The following PCDHGA11 variants were observed in gnomAD, a reference collection of about 807,000 sequenced individuals.
PCDHGA11 encodes the protein protocadherin gamma subfamily A, 11, also known as protocadherin gamma-A11.
PCDHGA11 carries 39 observed loss-of-function variants against 60.4 expected under a neutral mutation model. The observed-to-expected ratio is 0.65, with a 90% CI of 0.50 to 0.84. The LOEUF (loss-of-function observed/expected upper bound fraction) is 0.84. PCDHGA11 is among the 40% of genes least tolerant of loss of function. The pLI is 0.00. For synonymous variants in PCDHGA11, 533 were observed against 510.3 expected, an observed-to-expected ratio of 1.04 and a Z score of -0.60; for missense variants, 1,165 against 1,197.7, an observed-to-expected ratio of 0.97 and a Z score of 0.40.
chr5:141,464,907 T>A lies in PCDHGA11; in HGVS notation c.2434-29900T>A, dbSNP rs187725683. On this transcript the variant is annotated intron_variant, in intron 1 of 3. Transcript: ENST00000398587. ...ATGGATGCCACCATGTCCAGCTAAT[T>A]TTTTTATTTTTTTGTAGAGATGTGA... 4.5e-3 allele frequency among the ~76,000 whole-genome samples: 687 copies of A among 152,148 alleles called. 4 individuals are homozygous for A. Among genetic ancestry groups the A allele is most frequent in the African/African-American group, 0.015 (630 of 41,510 alleles).
At chr5:141,509,071 G>T (rs1209992467) in intron 3 of PCDHGA11, among the ~76,000 whole-genome samples, 1 of 152,176 alleles carries the variant, frequency 6.6e-6, no homozygotes, top group Admixed American at 6.5e-5. Flanking sequence ...CAGCTCCGGG[G>T]ATTTGCGACA....
At position 141,476,716 on chromosome 5, in the gene PCDHGA11, C is replaced by G; in HGVS notation, c.2434-18091C>G. The G allele has an allele frequency of 6.2e-7, 1 of 1,614,148 alleles. No individual in the cohort carries two copies. On this transcript the variant is annotated intron_variant, in intron 1 of 3. Transcript: ENST00000398587. The surrounding 1 kb of genome is among the most constrained non-coding windows in gnomAD (Gnocchi z 7.6). The stretch of plus-strand genomic sequence containing the variant: ...AGTACGCGGAGCTGGTGTTGGAGCG[C>G]GCCCTGGACCGAGAACGGGAGCCTA...
chr5:141,433,093 G>A (rs1203083573), intron 1 of PCDHGA11: 4 of 1,614,206 alleles, frequency 2.5e-6, no homozygotes, highest in Admixed American at 1.7e-5. Flanking sequence ...ATGCAGACAT[G>A]CTCGTCAGCC....
intron 1 of PCDHGA11, chr5:141,479,269 A>G (rs1279389471): frequency 6.6e-6 from 1 of 152,374 alleles, no homozygotes; most frequent in African/African-American, 2.4e-5. Flanking sequence ...TAAAAGTAAT[A>G]ATTTATTTCA....
In PCDHGA11 at chr5:141,432,782, C is replaced by A. The variant is rs547164205; in HGVS notation, c.2433+9122C>A. 6.2e-7 allele frequency: 1 copy of A among 1,614,164 alleles called. No homozygotes were observed. Among genetic ancestry groups the A allele is most frequent in the African/African-American group, 1.3e-5 (1 of 75,052 alleles). ...CAGCATCCCCCAAGTCCTGGCGGAC[C>A]TCGGCAGCCTCGAGTCTCCAGCTAA... On this transcript the variant is annotated intron_variant, in intron 1 of 3. Coordinates refer to ENST00000398587, the MANE Select transcript of PCDHGA11 (RefSeq NM_018914.3). This position sits in a 1 kb window ranked among gnomAD's most constrained non-coding sequence, Gnocchi z 6.0.
chr5:141,480,955 G>A (rs2154578440), intron 1 of PCDHGA11, among the ~76,000 whole-genome samples: 1 of 152,304 alleles, frequency 6.6e-6, no homozygotes, highest in South Asian at 2.1e-4. Context: ...TGAGGCGGAA[G>A]CATCAGTGAG....
chr5:141,495,873 C>G (rs2099764359), intron 2 of PCDHGA11, among the ~76,000 whole-genome samples: 1 of 152,146 alleles, frequency 6.6e-6, no homozygotes, highest in Admixed American at 6.6e-5. Flanking sequence ...CTGCTTTCCT[C>G]TCTGTTCTTT....
intron 1 of PCDHGA11, among the ~76,000 whole-genome samples, chr5:141,459,838 A>C (rs944807247): frequency 1.3e-5 from 2 of 152,098 alleles, no homozygotes; most frequent in African/African-American, 4.8e-5. Context: ...TGTGTTGTCT[A>C]TTTGTATATC....
At position 141,447,890 on chromosome 5, in the gene PCDHGA11, A is replaced by AC. The variant is rs1252174829; in HGVS notation, c.2433+24230_2433+24231insC. On this transcript the variant is annotated intron_variant, in intron 1 of 3. Transcript: ENST00000398587. ...CATCTGAGGTCAGGAGTTCGAGACCAGCCTGGCCAACATGGTGAAACTCTG... is the reference window on the plus strand; with the variant it reads ...CATCTGAGGTCAGGAGTTCGAGACCACGCCTGGCCAACATGGTGAAACTCTG... 1.3e-5 allele frequency among the ~76,000 whole-genome samples: 2 copies of AC among 152,146 alleles called. 1 individual carries two copies. The highest frequency in any genetic ancestry group is 4.8e-5 in the African/African-American group (2 of 41,434).
chr5:141,431,965 T>C lies in PCDHGA11; in HGVS notation c.2433+8305T>C, dbSNP rs765281339. The C allele has an allele frequency of 4.0e-5, 64 of 1,614,098 alleles. No homozygotes were observed. In the East Asian group the frequency reaches 4.9e-4, roughly 12 times the overall value. On this transcript the variant is annotated intron_variant, in intron 1 of 3. Transcript: ENST00000398587. This position sits in a 1 kb window ranked among gnomAD's most constrained non-coding sequence, Gnocchi z 4.8. Reference sequence around the variant, plus strand: ...TAGAAAAATCTTACGGAAATTACTATAGTTTAGTCACAGACATAGTCTTGG... The same window carrying C: ...TAGAAAAATCTTACGGAAATTACTACAGTTTAGTCACAGACATAGTCTTGG...
At chr5:141,437,104 T>C (rs539232057) in intron 1 of PCDHGA11, among the ~76,000 whole-genome samples, 1 of 152,338 alleles carries the variant, frequency 6.6e-6, no homozygotes, top group African/African-American at 2.4e-5. Flanking sequence ...GGCTTAGCTT[T>C]AGGATTTTTA....
intron 1 of PCDHGA11, among the ~76,000 whole-genome samples, chr5:141,455,913 T>C (rs2098837234): frequency 7.2e-6 from 1 of 138,032 alleles, no homozygotes; most frequent in African/African-American, 2.7e-5. Context: ...ATTTATTTAT[T>C]TTGAGACGGA....
At chr5:141,465,293 G>A (rs1407146382) in intron 1 of PCDHGA11, among the ~76,000 whole-genome samples, 2 of 152,258 alleles carry the variant, frequency 1.3e-5, no homozygotes, top group South Asian at 2.1e-4. Flanking sequence ...AAAGAACTGA[G>A]AGTCCTGGGA....
At position 141,486,481 on chromosome 5, in the gene PCDHGA11, T is replaced by C. The variant is rs1562112794; in HGVS notation, c.2434-8326T>C. 1 of 1,614,036 alleles carries C rather than the reference T, an allele frequency of 6.2e-7. No individual in the cohort carries two copies. The highest frequency in any genetic ancestry group is 8.5e-7 in the Non-Finnish European group (1 of 1,179,976). Reference sequence around the variant, plus strand: ...CTGATGCTGGGAACCCTCCTCTCAGTACCCACAGAACTATTTTCCTCAATA... The same window carrying C: ...CTGATGCTGGGAACCCTCCTCTCAGCACCCACAGAACTATTTTCCTCAATA... On this transcript the variant is annotated intron_variant, in intron 1 of 3. Coordinates refer to ENST00000398587, the MANE Select transcript of PCDHGA11 (RefSeq NM_018914.3). This position sits in a 1 kb window ranked among gnomAD's most constrained non-coding sequence, Gnocchi z 5.0.
chr5:141,444,594 T>C (rs2098442338), intron 1 of PCDHGA11, among the ~76,000 whole-genome samples: 1 of 152,244 alleles, frequency 6.6e-6, no homozygotes, highest in South Asian at 2.1e-4. Flanking sequence ...ACTTACCTTA[T>C]TTAAAATTGA....
chr5:141,481,181 G>C (rs1364223040), intron 1 of PCDHGA11, among the ~76,000 whole-genome samples: 1 of 152,154 alleles, frequency 6.6e-6, no homozygotes, highest in Non-Finnish European at 1.5e-5. Context: ...CAGCTTTATT[G>C]GGCCAGGCCC....
rs1328476453 is a variant in PCDHGA11, at chr5:141,431,444, C to T, written c.2433+7784C>T. 4.3e-6 allele frequency: 7 copies of T among 1,613,732 alleles called. No homozygotes were observed. The highest frequency in any genetic ancestry group is 5.9e-6 in the Non-Finnish European group (7 of 1,180,022). On this transcript the variant is annotated intron_variant, in intron 1 of 3. Transcript: ENST00000398587. The surrounding 1 kb of genome is among the most constrained non-coding windows in gnomAD (Gnocchi z 4.8). ...GGTGCGCACAGGCACCGCGCGCATCCGCGTGATGGTTCTGGATGCGAACGA... is the reference window on the plus strand; with the variant it reads ...GGTGCGCACAGGCACCGCGCGCATCTGCGTGATGGTTCTGGATGCGAACGA...
At position 141,485,293 on chromosome 5, in the gene PCDHGA11, G is replaced by A. The variant is rs1356836741; in HGVS notation, c.2434-9514G>A. On this transcript the variant is annotated intron_variant, in intron 1 of 3. Transcript: ENST00000398587. The surrounding 1 kb of genome is among the most constrained non-coding windows in gnomAD (Gnocchi z 5.7). ...GCTACCCGGTCCCAGAGGAGTCACA[G>A]GAAGGGACTTTTGTAGGGAATGTCG... 1 of 1,614,170 alleles carries A rather than the reference G, an allele frequency of 6.2e-7. No individual in the cohort carries two copies.
At position 141,477,418 on chromosome 5, in the gene PCDHGA11, C is replaced by G. The variant is rs759728291; in HGVS notation, c.2434-17389C>G. ...GCATCACCGCCCGAGACGCCGGAAC[C>G]CCTTCCCTCTCAGCCCTTACAATAG... On this transcript the variant is annotated intron_variant, in intron 1 of 3. Transcript: ENST00000398587. This position sits in a 1 kb window ranked among gnomAD's most constrained non-coding sequence, Gnocchi z 4.9. 2 of 1,614,166 alleles carry G rather than the reference C, an allele frequency of 1.2e-6. No homozygotes were observed. Among genetic ancestry groups the G allele is most frequent in the Non-Finnish European group, 1.7e-6 (2 of 1,180,030 alleles).
Sources: allele counts gnomAD v4.1 joint callset (sites outside exome capture counted in the v4.1 genomes callset), GRCh38; gene constraint gnomAD v4.1.1; non-coding constraint Gnocchi (gnomAD v3.1); transcripts MANE v1.5; gene names NCBI Gene and HGNC (gene_info 2026-07-23, HGNC 2026-07-21).